Variants in PARP4 observed in about 807,000 individuals in gnomAD.
The protein encoded by PARP4 is poly(ADP-ribose) polymerase family member 4, also known as protein mono-ADP-ribosyltransferase PARP4.
In PARP4, 120 loss-of-function variants were observed where a neutral mutation model predicts 187.7. That is an observed-to-expected ratio of 0.64 (90% CI 0.55 to 0.74). The LOEUF is 0.74. PARP4 is among the 30% of genes least tolerant of loss of function. PARP4 has a pLI of 0.00. For synonymous variants in PARP4, 654 were observed against 740.9 expected (o/e 0.88, Z 1.90); for missense variants, 1,836 against 2,070.5 (o/e 0.89, Z 2.20).
intron 12 of PARP4, among the ~76,000 whole-genome samples, chr13:24,484,333 G>A (rs142292934): frequency 6.6e-5 from 10 of 152,124 alleles, no homozygotes; most frequent in South Asian, 4.2e-4. Flanking sequence ...CACCATGCAC[G>A]GCTAATTTTT....
chr13:24,421,220 G>C lies in PARP4; in HGVS notation c.5074C>G (p.Leu1692Val). 1 of 1,406,114 alleles carries C rather than the reference G, an allele frequency of 7.1e-7. No individual in the cohort carries two copies. Among genetic ancestry groups the C allele is most frequent in the Non-Finnish European group, 9.5e-7 (1 of 1,051,534 alleles). The allele number at this position is 1,406,114 out of a possible 1,614,324, so 87.1% of individuals were successfully genotyped here. ...QYPSICPRLE[L>V]GNDWDSATKQ... ...GTGGCAGAGTCCCAGTCGTTCCCCA[G>C]TTCAAGCCGTGGGCAGATAGATGGG... The change falls in exon 34 of 34, where the codon CTG becomes GTG. Residue 1692 changes from leucine (L) to valine (V), a missense_variant. By Grantham distance (32) the Leu-to-Val change is conservative. This residue lies in a region of PARP4 where 29 missense variants were observed against 81.3 expected (regional missense o/e 0.36). Transcript: ENST00000381989.
intron 8 of PARP4, 74 bp from the exon 9 acceptor site, chr13:24,492,668 T>G (rs1210315650): frequency 8.2e-7 from 1 of 1,213,956 alleles, no homozygotes; most frequent in African/African-American, 1.5e-5. Context: ...CAAAACTATA[T>G]AAATAATTGT....
chr13:24,463,313 TGAAA>T (rs1872299810), intron 17 of PARP4, among the ~76,000 whole-genome samples: 1 of 151,904 alleles, frequency 6.6e-6, no homozygotes, highest in Non-Finnish European at 1.5e-5. Context: ...AAAATGAAGG[TGAAA>T]GACTTTGTTA....
At chr13:24,437,212 A>G (rs1429824206) in intron 30 of PARP4, among the ~76,000 whole-genome samples, 1 of 152,128 alleles carries the variant, frequency 6.6e-6, no homozygotes, top group South Asian at 2.1e-4. Context: ...GCTAGGATAA[A>G]TTTCAATCAG....
intron 33 of PARP4, among the ~76,000 whole-genome samples, chr13:24,424,147 T>G (rs762793626): frequency 3.3e-5 from 5 of 152,158 alleles, no homozygotes; most frequent in African/African-American, 4.8e-5. Flanking sequence ...AACACCTGTT[T>G]TGTGTTTGAG....
At chr13:24,506,399 A>AC (rs1869682652) in intron 1 of PARP4, among the ~76,000 whole-genome samples, 1 of 152,034 alleles carries the variant, frequency 6.6e-6, no homozygotes, top group South Asian at 2.1e-4. Context: ...GTGGAAGAGG[A>AC]CCCCAGCAGG....
chr13:24,496,032 T>C (rs546632666), intron 6 of PARP4, among the ~76,000 whole-genome samples: 2 of 151,870 alleles, frequency 1.3e-5, no homozygotes, highest in Non-Finnish European at 1.5e-5. Flanking sequence ...TGTCCTGGCC[T>C]ACACGATGCT....
At chr13:24,500,637 T>C (rs1869222277) in intron 3 of PARP4, among the ~76,000 whole-genome samples, 1 of 152,238 alleles carries the variant, frequency 6.6e-6, no homozygotes, top group Admixed American at 6.5e-5. Flanking sequence ...TTGATAGCCA[T>C]ACAATTTTCA....
intron 6 of PARP4, among the ~76,000 whole-genome samples, chr13:24,497,597 A>G (rs573902860): frequency 1.8e-4 from 28 of 152,348 alleles, no homozygotes; most frequent in African/African-American, 6.7e-4. Flanking sequence ...ACTCCAAAAG[A>G]GAACACATTT....
chr13:24,507,331 TTTCAGTACC>T (rs1209101802), intron 1 of PARP4, among the ~76,000 whole-genome samples: 1 of 152,220 alleles, frequency 6.6e-6, no homozygotes, highest in Non-Finnish European at 1.5e-5. Flanking sequence ...CGCTGTCACC[TTTCAGTACC>T]TTTGCCCTGT....
chr13:24,462,356 TAATAA>T (rs1872251773), intron 17 of PARP4, among the ~76,000 whole-genome samples: 3 of 152,102 alleles, frequency 2.0e-5, no homozygotes, highest in African/African-American at 7.2e-5. Flanking sequence ...CGGAGAGTAA[TAATAA>T]CAACAGAGAG....
At chr13:24,461,004 CT>C (rs1341413663) in intron 17 of PARP4, among the ~76,000 whole-genome samples, 1 of 152,086 alleles carries the variant, frequency 6.6e-6, no homozygotes, top group East Asian at 1.9e-4. Flanking sequence ...CTTTAGCTTT[CT>C]TTTAAAGGGA....
intron 17 of PARP4, among the ~76,000 whole-genome samples, chr13:24,464,649 A>C (rs1473584024): frequency 6.6e-6 from 1 of 152,226 alleles, no homozygotes; most frequent in African/African-American, 2.4e-5. Flanking sequence ...AAATAACTCG[A>C]TACGGACTAA....
chr13:24,433,719 A>G (rs1354618030), intron 31 of PARP4, among the ~76,000 whole-genome samples: 1 of 149,880 alleles, frequency 6.7e-6, no homozygotes, highest in East Asian at 2.0e-4. Context: ...ATGGATGAGG[A>G]AGCTGAGGCT....
In PARP4 at chr13:24,501,779, G is replaced by C; in HGVS notation, c.188C>G (p.Ser63Cys). The part of the protein sequence containing the change: ...ADVLSQYQLN[S>C]IQKNHVHIAN... Reference sequence around the variant, plus strand: ...AATATGAACGTGGTTCTTTTGGATAGAATTCAGTTGGTACTGACTCAGAAC... The same window carrying C: ...AATATGAACGTGGTTCTTTTGGATACAATTCAGTTGGTACTGACTCAGAAC... The change falls in exon 3 of 34, where the codon TCT becomes TGT. Residue 63 changes from serine (S) to cysteine (C), a missense_variant. Coordinates refer to ENST00000381989, the MANE Select transcript of PARP4 (RefSeq NM_006437.4). The C allele has an allele frequency of 6.2e-7, 1 of 1,612,806 alleles. No homozygotes were observed. Among genetic ancestry groups the C allele is most frequent in the South Asian group, 1.1e-5 (1 of 91,056 alleles).
chr13:24,492,365 A>T, intron 9 of PARP4, 56 bp downstream of exon 9: 146 of 1,152,506 alleles, frequency 1.3e-4, no homozygotes, highest in Non-Finnish European at 1.7e-4. Context: ...ATTTCTAAAG[A>T]CCCCCACCCT....
chr13:24,503,374 T>C (rs1869417125), intron 2 of PARP4, among the ~76,000 whole-genome samples: 2 of 152,208 alleles, frequency 1.3e-5, no homozygotes, highest in African/African-American at 4.8e-5. Context: ...GAAATTCTAT[T>C]TTCATATTTG....
At position 24,435,550 on chromosome 13, in the gene PARP4, A is replaced by G; in HGVS notation, c.3667-76T>C. 3.5e-6 allele frequency: 5 copies of G among 1,439,046 alleles called. No homozygotes were observed. In the South Asian group the frequency reaches 5.5e-5, roughly 16 times the overall value. 89.1% of individuals were successfully genotyped at this position (1,439,046 alleles called of 1,614,324 possible). A position where few individuals can be genotyped will look rare whatever the true frequency, so the allele number is the denominator to read the frequency against. ...GAACAATCAAGCAAACATTCTTCCT[A>G]GCACTTGACTTCCCACCCATCAGGC... On this transcript the variant is annotated intron_variant, in intron 30 of 33. Transcript: ENST00000381989.
chr13:24,486,941 G>A (rs1873593683), intron 10 of PARP4, among the ~76,000 whole-genome samples: 1 of 151,136 alleles, frequency 6.6e-6, no homozygotes. Context: ...CAGACTGGGC[G>A]ACAGAACGAG....
Sources: allele counts gnomAD v4.1 joint callset (sites outside exome capture counted in the v4.1 genomes callset), GRCh38; gene constraint gnomAD v4.1.1; regional missense constraint gnomAD v4.1.1; transcripts MANE v1.5; gene names NCBI Gene and HGNC (gene_info 2026-07-23, HGNC 2026-07-21).